Variants in SLC16A7 observed in about 807,000 individuals in gnomAD.
SLC16A7 encodes monocarboxylate transporter 2.
A neutral mutation model predicts 34.9 loss-of-function variants in SLC16A7; 33 were observed. The ratio of observed to expected loss-of-function variants is 0.94; its 90% CI spans 0.72 to 1.26. The LOEUF (loss-of-function observed/expected upper bound fraction) is 1.26, where lower values mean the gene tolerates loss of function less well. SLC16A7 is among the 50% of genes most tolerant of loss of function. The pLI, the probability that SLC16A7 is intolerant of heterozygous loss-of-function variation, is 0.00. For missense variants in SLC16A7, 573 were observed against 578.1 expected (o/e 0.99, Z 0.09); for synonymous variants, 201 against 206.6 (o/e 0.97, Z 0.23).
At chr12:59,625,069 T>G (rs1181176936) in intron 1 of SLC16A7, among the ~76,000 whole-genome samples, 2 of 151,822 alleles carry the variant, frequency 1.3e-5, no homozygotes, top group Admixed American at 1.3e-4. Context: ...TTGTTTTTCC[T>G]ACTGTATGTA....
chr12:59,676,830 C>T (rs1497475), intron 2 of SLC16A7, among the ~76,000 whole-genome samples: 37,011 of 150,702 alleles, frequency 0.25, 4,849 homozygotes, highest in African/African-American at 0.34. Context: ...CTTATGCAAA[C>T]GTTACTTAAA....
chr12:59,705,654 A>G (rs1873481107), intron 3 of SLC16A7, among the ~76,000 whole-genome samples: 1 of 152,140 alleles, frequency 6.6e-6, no homozygotes, highest in Non-Finnish European at 1.5e-5. Context: ...CCACTTCTAA[A>G]TGTTGCAAAT....
rs546675337 is a variant in SLC16A7, at chr12:59,630,479, T to G, written c.-129-24673T>G. On this transcript the variant is annotated intron_variant, in intron 1 of 5. Transcript: ENST00000547379. ...AGTAAAATGTGTCTGGTGAAATATC[T>G]TTCATCAGGGTTGTTACAAGTATTG... Among the ~76,000 whole-genome samples, 3 of 151,992 alleles carry G rather than the reference T, an allele frequency of 2.0e-5. No homozygotes were observed. The South Asian group carries it at 6.2e-4, about 32-fold the overall frequency.
At chr12:59,697,562 A>G (rs1347686587) in intron 2 of SLC16A7, among the ~76,000 whole-genome samples, 1 of 151,822 alleles carries the variant, frequency 6.6e-6, no homozygotes, top group Non-Finnish European at 1.5e-5. Context: ...ATTTACTTGT[A>G]TATACTGTAG....
intron 3 of SLC16A7, among the ~76,000 whole-genome samples, chr12:59,736,542 T>C (rs551245481): frequency 7.9e-5 from 12 of 152,240 alleles, no homozygotes; most frequent in Admixed American, 6.5e-4. Context: ...CTTGGTGACT[T>C]TCCCCACTAT....
chr12:59,665,703 A>G (rs967576355), intron 2 of SLC16A7, among the ~76,000 whole-genome samples: 54 of 152,208 alleles, frequency 3.5e-4, no homozygotes, highest in Admixed American at 3.2e-3. Context: ...AGAGAGATGC[A>G]TTGCTTAAGT....
At chr12:59,764,309 AG>A (rs1189090877) in intron 3 of SLC16A7, among the ~76,000 whole-genome samples, 2 of 151,944 alleles carry the variant, frequency 1.3e-5, no homozygotes, top group Non-Finnish European at 2.9e-5. Flanking sequence ...AGAAGTTTGA[AG>A]CTAGTACATT....
intron 2 of SLC16A7, among the ~76,000 whole-genome samples, chr12:59,659,320 G>A (rs1174945598): frequency 6.6e-6 from 1 of 151,948 alleles, no homozygotes; most frequent in Non-Finnish European, 1.5e-5. Context: ...CATATATTGT[G>A]CAGTGGTAAA....
chr12:59,741,477 A>G (rs1878334628), intron 3 of SLC16A7, among the ~76,000 whole-genome samples: 1 of 152,168 alleles, frequency 6.6e-6, no homozygotes, highest in Admixed American at 6.5e-5. Context: ...TTTCTTGTAG[A>G]TGCTCATTAA....
At chr12:59,615,544 CAA>C (rs1879411113) in intron 1 of SLC16A7, among the ~76,000 whole-genome samples, 1 of 152,138 alleles carries the variant, frequency 6.6e-6, no homozygotes, top group African/African-American at 2.4e-5. Context: ...GCCTATGTGT[CAA>C]GACTGGCAAA....
At chr12:59,751,168 G>A (rs1344687931) in intron 3 of SLC16A7, among the ~76,000 whole-genome samples, 2 of 152,196 alleles carry the variant, frequency 1.3e-5, no homozygotes, top group Admixed American at 6.5e-5. Flanking sequence ...AGCTCCCATC[G>A]TGAGCGACGC....
chr12:59,609,362 T>A (rs1879089050), intron 1 of SLC16A7, among the ~76,000 whole-genome samples: 1 of 152,222 alleles, frequency 6.6e-6, no homozygotes, highest in South Asian at 2.1e-4. Flanking sequence ...CTTTCTGCAA[T>A]ATGAGTTCAG....
intron 3 of SLC16A7, among the ~76,000 whole-genome samples, chr12:59,760,153 CT>C: frequency 6.6e-6 from 1 of 151,972 alleles, no homozygotes; most frequent in Non-Finnish European, 1.5e-5. Context: ...AAACTTGAGA[CT>C]TTTATGTAGA....
rs536344821 is a variant in SLC16A7, at chr12:59,788,704, G to T, written c.*9025G>T. ...GATCTTGGGATACTTATTTATTTTT[G>T]AAATTTTTGTATATATAGCATTTCT... is the stretch of plus-strand genomic sequence containing the variant. On this transcript the variant is annotated 3_prime_UTR_variant, in exon 6 of 6. Transcript: ENST00000547379. The T allele has an allele frequency of 6.6e-6, 1 of 151,780 alleles. No individual in the cohort carries two copies. The highest frequency in any genetic ancestry group is 1.5e-5 in the Non-Finnish European group (1 of 67,826). The allele number at this position is 151,780 out of a possible 1,614,324, so 9.4% of individuals were successfully genotyped here.
At chr12:59,608,033 C>A (rs534405045) in intron 1 of SLC16A7, among the ~76,000 whole-genome samples, 5 of 152,266 alleles carry the variant, frequency 3.3e-5, no homozygotes, top group Non-Finnish European at 7.4e-5. Context: ...CTATTCAAAG[C>A]ATTGTGCCAT....
At chr12:59,681,961 C>G (rs984387231) in intron 2 of SLC16A7, among the ~76,000 whole-genome samples, 1 of 152,044 alleles carries the variant, frequency 6.6e-6, no homozygotes, top group African/African-American at 2.4e-5. Context: ...CATAACACAG[C>G]TTCATTCCCC....
chr12:59,629,407 A>C (rs1046005335), intron 1 of SLC16A7, among the ~76,000 whole-genome samples: 1 of 151,964 alleles, frequency 6.6e-6, no homozygotes, highest in African/African-American at 2.4e-5. Flanking sequence ...AAAATCTTCT[A>C]TTCAGAAGCT....
At chr12:59,722,130 A>T (rs1231118358) in intron 3 of SLC16A7, among the ~76,000 whole-genome samples, 2 of 151,980 alleles carry the variant, frequency 1.3e-5, no homozygotes, top group Non-Finnish European at 2.9e-5. Context: ...CAAATGCTTA[A>T]CAGGCATCTC....
rs1219321340 is a variant in SLC16A7 at position 59,610,042 on chromosome 12, G to C, written c.-130+13806G>C. Among the ~76,000 whole-genome samples, 3 of 152,070 alleles carry C rather than the reference G, an allele frequency of 2.0e-5. No individual in the cohort carries two copies. In the East Asian group the frequency reaches 5.8e-4, roughly 29 times the overall value. ...CTATCTCCAATTTAGAATGGCTCTG[G>C]CTGGTTAGGAAACAAAGGTTTATTT... On this transcript the variant is annotated intron_variant, in intron 1 of 5. Coordinates refer to ENST00000547379, the MANE Select transcript of SLC16A7 (RefSeq NM_001270623.2).
Sources: gnomAD v4.1 joint callset for allele counts (sites outside exome capture counted in the v4.1 genomes callset) on GRCh38, gnomAD v4.1.1 for gene constraint, MANE v1.5 for transcripts, NCBI Gene and HGNC (gene_info 2026-07-23, HGNC 2026-07-21) for gene names.